Variants in GLIS3 observed in about 807,000 individuals in gnomAD.
GLIS3 encodes GLIS family zinc finger 3.
A neutral mutation model predicts 78.6 loss-of-function variants in GLIS3; 53 were observed. That is an observed-to-expected ratio of 0.67 (90% CI 0.54 to 0.85). GLIS3 has a LOEUF of 0.85. Ranked by LOEUF, GLIS3 falls within the 40% of genes least tolerant of loss-of-function variation. The pLI is 0.00. For synonymous variants in GLIS3, 684 were observed against 509.9 expected (o/e 1.34, Z -4.60); for missense variants, 1,703 against 1,231.1 (o/e 1.38, Z -5.74).
the GLIS3 span, among the ~76,000 whole-genome samples, chr9:4,383,146 C>T: frequency 2.0e-5 from 3 of 152,196 alleles, no homozygotes; most frequent in Admixed American, 6.6e-5. Flanking sequence ...AGAACTGAAA[C>T]GAGTAGAAGT....
intron 2 of GLIS3, among the ~76,000 whole-genome samples, chr9:4,327,246 T>A (rs1444118511): frequency 1.3e-5 from 2 of 151,986 alleles, no homozygotes; most frequent in African/African-American, 4.8e-5. Context: ...GCAGTGAGAC[T>A]GAGAGAGCAG....
At chr9:4,304,830 C>A (rs1038566451), upstream of GLIS3, among the ~76,000 whole-genome samples, 2 of 152,182 alleles carry the variant, frequency 1.3e-5, no homozygotes, top group Non-Finnish European at 2.9e-5. Flanking sequence ...TCCACAAATC[C>A]TAACTTCTTA....
intron 4 of GLIS3, among the ~76,000 whole-genome samples, chr9:4,083,955 T>G (rs563429678): frequency 6.6e-6 from 1 of 152,184 alleles, no homozygotes; most frequent in South Asian, 2.1e-4. Flanking sequence ...TTAACTACTC[T>G]GGGTTCATCA....
intron 2 of GLIS3, among the ~76,000 whole-genome samples, chr9:4,138,254 T>C (rs1413846665): frequency 2.0e-5 from 3 of 152,212 alleles, no homozygotes; most frequent in African/African-American, 7.2e-5. Context: ...GAACGCATAT[T>C]GTCATGGGAG....
At chr9:4,398,917 A>C in the GLIS3 span, among the ~76,000 whole-genome samples, 165 of 152,218 alleles carry the variant, frequency 1.1e-3, no homozygotes, top group East Asian at 1.2e-3. Flanking sequence ...TTGAACTCCT[A>C]ACCTTGTGAT....
upstream of GLIS3, among the ~76,000 whole-genome samples, chr9:4,349,555 A>G (rs1817936989): frequency 6.6e-6 from 1 of 152,132 alleles, no homozygotes; most frequent in Non-Finnish European, 1.5e-5. Context: ...ACCAAAAAGG[A>G]AAAAAATACC....
At chr9:3,904,646 T>C (rs1441012324) in intron 6 of GLIS3, among the ~76,000 whole-genome samples, 2 of 152,216 alleles carry the variant, frequency 1.3e-5, no homozygotes, top group East Asian at 3.8e-4. Flanking sequence ...AAGGGCTGGA[T>C]GTGCATAGTC....
chr9:3,907,655 C>CACAA (rs758113264), intron 6 of GLIS3, among the ~76,000 whole-genome samples: 1 of 146,246 alleles, frequency 6.8e-6, no homozygotes, highest in Non-Finnish European at 1.5e-5. Flanking sequence ...CACACACACA[C>CACAA]TACTAAACAG....
chr9:4,453,798 T>G, the GLIS3 span, among the ~76,000 whole-genome samples: 1 of 151,114 alleles, frequency 6.6e-6, no homozygotes. Context: ...AATTGAACAA[T>G]GAGAACACTT....
chr9:3,906,603 C>A (rs1430395613), intron 6 of GLIS3, among the ~76,000 whole-genome samples: 1 of 152,112 alleles, frequency 6.6e-6, no homozygotes, highest in Admixed American at 6.5e-5. Context: ...GGTACCTGCA[C>A]ACAGAGGGTG....
intron 4 of GLIS3, among the ~76,000 whole-genome samples, chr9:3,957,474 C>G (rs1209868715): frequency 6.6e-6 from 1 of 152,126 alleles, no homozygotes; most frequent in Non-Finnish European, 1.5e-5. Flanking sequence ...AGATGAACCA[C>G]GAGATGGGAT....
chr9:4,149,138 T>G, intron 2 of GLIS3, among the ~76,000 whole-genome samples: 1 of 152,166 alleles, frequency 6.6e-6, no homozygotes, highest in South Asian at 2.1e-4. Context: ...CTACTAAGAA[T>G]AATAATGATA....
intron 4 of GLIS3, among the ~76,000 whole-genome samples, chr9:4,086,399 T>C (rs1829023895): frequency 6.6e-6 from 1 of 152,204 alleles, no homozygotes; most frequent in Non-Finnish European, 1.5e-5. Flanking sequence ...TTCCAAGCCA[T>C]AACTTTATGT....
chr9:4,345,787 A>T (rs970368993), intron 2 of GLIS3, among the ~76,000 whole-genome samples: 2 of 152,236 alleles, frequency 1.3e-5, no homozygotes, highest in Non-Finnish European at 2.9e-5. Context: ...AAGCAAAAAG[A>T]GCTGAAAGTG....
chr9:4,393,133 A>G, the GLIS3 span, among the ~76,000 whole-genome samples: 1 of 152,188 alleles, frequency 6.6e-6, no homozygotes, highest in Non-Finnish European at 1.5e-5. Context: ...CAATAATAGT[A>G]TAAGGAACTC....
At chr9:3,846,935 G>C (rs1255383984) in intron 9 of GLIS3, among the ~76,000 whole-genome samples, 1 of 152,198 alleles carries the variant, frequency 6.6e-6, no homozygotes, top group Non-Finnish European at 1.5e-5. Context: ...TGTAATCCCA[G>C]CACTTTGGGA....
chr9:4,398,278 G>C, the GLIS3 span, among the ~76,000 whole-genome samples: 4 of 151,746 alleles, frequency 2.6e-5, no homozygotes, highest in Non-Finnish European at 5.9e-5. Context: ...CTACATCCTT[G>C]ATACTCAAAA....
intron 4 of GLIS3, among the ~76,000 whole-genome samples, chr9:4,063,331 A>G (rs1025547222): frequency 1.3e-5 from 2 of 152,200 alleles, no homozygotes; most frequent in Admixed American, 6.5e-5. Context: ...GTAACAAACC[A>G]TACTGCAAAG....
At chr9:4,193,104 T>C (rs1279962964) in intron 2 of GLIS3, among the ~76,000 whole-genome samples, 2 of 152,252 alleles carry the variant, frequency 1.3e-5, no homozygotes, top group East Asian at 3.8e-4. Context: ...TCGAATGAAA[T>C]GTTCAGACTT....
Sources: allele counts gnomAD v4.1 joint callset (sites outside exome capture counted in the v4.1 genomes callset), GRCh38; gene constraint gnomAD v4.1.1; transcripts MANE v1.5; gene names NCBI Gene and HGNC (gene_info 2026-07-23, HGNC 2026-07-21).